The following RABGEF1 variants were observed in gnomAD, a reference collection of about 807,000 sequenced individuals.
The protein encoded by RABGEF1 is RAB guanine nucleotide exchange factor 1, also known as rab5 GDP/GTP exchange factor.
RABGEF1 carries 26 observed loss-of-function variants against 57.3 expected under a neutral mutation model. The observed-to-expected ratio is 0.45, with a 90% CI of 0.33 to 0.63. The LOEUF is 0.63. Ranked by LOEUF, RABGEF1 falls within the 20% of genes least tolerant of loss-of-function variation. RABGEF1 has a pLI of 0.02. For missense variants in RABGEF1, 464 were observed against 607.6 expected, an observed-to-expected ratio of 0.76 and a Z score of 2.48; for synonymous variants, 185 against 210.7, an observed-to-expected ratio of 0.88 and a Z score of 1.06.
At chr7:66,714,562 T>C (rs934568895) in intron 2 of RABGEF1, among the ~76,000 whole-genome samples, 17 of 152,208 alleles carry the variant, frequency 1.1e-4, no homozygotes, top group African/African-American at 3.6e-4. Flanking sequence ...TTCAGTTTCA[T>C]TGGTTGCTGC....
the RABGEF1 span, among the ~76,000 whole-genome samples, chr7:66,656,477 A>T: frequency 1.3e-5 from 2 of 152,150 alleles, no homozygotes; most frequent in African/African-American, 4.8e-5. Flanking sequence ...CTTTAATCTG[A>T]TGGTGACAGA....
intron 1 of RABGEF1, among the ~76,000 whole-genome samples, chr7:66,710,433 A>G (rs886891240): frequency 3.3e-5 from 5 of 152,196 alleles, no homozygotes; most frequent in African/African-American, 1.2e-4. Context: ...TGGTAGGTAT[A>G]TATTTAATCT....
intron 1 of RABGEF1, among the ~76,000 whole-genome samples, chr7:66,700,499 T>TAGTGGGGGGGAGGGGGAGGG (rs1562710607): frequency 1.6e-5 from 1 of 62,762 alleles, no homozygotes; most frequent in Non-Finnish European, 3.9e-5. Context: ...GAGGGGGAGG[T>TAGTGGGGGGGAGGGGGAGGG]AGGGGAGGGG....
At chr7:66,738,749 A>AG (rs1798360950), upstream of RABGEF1, among the ~76,000 whole-genome samples, 1 of 151,344 alleles carries the variant, frequency 6.6e-6, no homozygotes. Context: ...AAAAAAAAAA[A>AG]GAAACACTCA....
At chr7:66,710,840 C>A (rs1794677230) in intron 1 of RABGEF1, among the ~76,000 whole-genome samples, 1 of 152,006 alleles carries the variant, frequency 6.6e-6, no homozygotes, top group African/African-American at 2.4e-5. Context: ...GTGGTTCATA[C>A]CTGTAATCGC....
chr7:66,738,130 A>G (rs1798262668), upstream of RABGEF1, among the ~76,000 whole-genome samples: 1 of 149,938 alleles, frequency 6.7e-6, no homozygotes, highest in Non-Finnish European at 1.5e-5. Context: ...ATGTGATCCT[A>G]TCACCTCGGC....
upstream of RABGEF1, among the ~76,000 whole-genome samples, chr7:66,681,413 T>G (rs1789725312): frequency 6.6e-6 from 1 of 151,684 alleles, no homozygotes; most frequent in Non-Finnish European, 1.5e-5. Flanking sequence ...TTTTTTTTCT[T>G]TTTGAGACAG....
intron 1 of RABGEF1, among the ~76,000 whole-genome samples, chr7:66,687,113 CTTTTT>C (rs71526570): frequency 9.6e-6 from 1 of 103,660 alleles, no homozygotes; most frequent in African/African-American, 3.6e-5. Flanking sequence ...CCACGCCCGG[CTTTTT>C]TTTTTTTTTT....
At chr7:66,762,920 C>T (rs929661055) in intron 1 of RABGEF1, among the ~76,000 whole-genome samples, 91 of 152,194 alleles carry the variant, frequency 6.0e-4, no homozygotes, top group Non-Finnish European at 1.6e-4. Flanking sequence ...CAGCATTCCT[C>T]ACTTTGGAAT....
At chr7:66,739,394 C>T (rs1798461513), upstream of RABGEF1, among the ~76,000 whole-genome samples, 1 of 151,230 alleles carries the variant, frequency 6.6e-6, no homozygotes, top group Non-Finnish European at 1.5e-5. Context: ...GTAGCTCACA[C>T]CTATAATCCT....
At chr7:66,743,032 A>G (rs1256190679) in intron 1 of RABGEF1, among the ~76,000 whole-genome samples, 2 of 152,100 alleles carry the variant, frequency 1.3e-5, no homozygotes, top group African/African-American at 4.8e-5. Context: ...CTCTCTGGCC[A>G]GGCGCGGTGG....
intron 3 of RABGEF1, among the ~76,000 whole-genome samples, chr7:66,782,611 A>G (rs562785645): frequency 1.3e-5 from 2 of 151,784 alleles, no homozygotes; most frequent in South Asian, 2.1e-4. Context: ...AGCTGGCACT[A>G]TAGGTATGCA....
At chr7:66,776,273 G>C (rs1808510596) in intron 3 of RABGEF1, among the ~76,000 whole-genome samples, 1 of 152,190 alleles carries the variant, frequency 6.6e-6, no homozygotes, top group African/African-American at 2.4e-5. Context: ...GCCGGGGAAT[G>C]AATAATAAGA....
At chr7:66,791,119 A>G (rs142775654) in intron 4 of RABGEF1, among the ~76,000 whole-genome samples, 81 of 152,360 alleles carry the variant, frequency 5.3e-4, no homozygotes, top group African/African-American at 1.8e-3. Flanking sequence ...TATGAAGAAC[A>G]TATGCGTTCC....
At chr7:66,741,763 C>T (rs968146211) in intron 1 of RABGEF1, among the ~76,000 whole-genome samples, 1 of 152,106 alleles carries the variant, frequency 6.6e-6, no homozygotes, top group Non-Finnish European at 1.5e-5. Flanking sequence ...AACTCCTGGC[C>T]TTAAGTGATC....
At chr7:66,663,759 A>T in the RABGEF1 span, among the ~76,000 whole-genome samples, 4 of 151,690 alleles carry the variant, frequency 2.6e-5, no homozygotes, top group African/African-American at 7.2e-5. Context: ...AAATAAAAAT[A>T]AAAAAATAAA....
upstream of RABGEF1, among the ~76,000 whole-genome samples, chr7:66,680,182 A>G (rs1222573589): frequency 6.6e-6 from 1 of 152,138 alleles, no homozygotes; most frequent in East Asian, 1.9e-4. Flanking sequence ...CATGTAATGT[A>G]CTACTTTAAA....
At chr7:66,670,760 C>T in the RABGEF1 span, among the ~76,000 whole-genome samples, 1 of 152,014 alleles carries the variant, frequency 6.6e-6, no homozygotes, top group Non-Finnish European at 1.5e-5. Context: ...ATAGGAGAAT[C>T]GCTTGAACCC....
the RABGEF1 span, among the ~76,000 whole-genome samples, chr7:66,665,621 TCTC>T: frequency 6.6e-6 from 1 of 152,134 alleles, no homozygotes; most frequent in Non-Finnish European, 1.5e-5. Context: ...GACTCAGTCT[TCTC>T]CTTTGAAGAA....
Sources: gnomAD v4.1 joint callset for allele counts (sites outside exome capture counted in the v4.1 genomes callset) on GRCh38, gnomAD v4.1.1 for gene constraint, MANE v1.5 for transcripts, NCBI Gene and HGNC (gene_info 2026-07-23, HGNC 2026-07-21) for gene names.